Variants in VPS13C observed in about 807,000 individuals in gnomAD.
The protein encoded by VPS13C is intermembrane lipid transfer protein VPS13C.
A neutral mutation model predicts 456.8 loss-of-function variants in VPS13C; 358 were observed. The ratio of observed to expected loss-of-function variants is 0.78; its 90% CI spans 0.72 to 0.86. The LOEUF is 0.86. Ranked by LOEUF, VPS13C falls within the 40% of genes least tolerant of loss-of-function variation. The probability of loss-of-function intolerance (pLI) is 0.00; values close to 1 mark genes in which losing one functional copy is unlikely to be tolerated. For synonymous variants in VPS13C, 1,578 were observed against 1,486.7 expected, an observed-to-expected ratio of 1.06 and a Z score of -1.41; for missense variants, 4,818 against 4,385.4, an observed-to-expected ratio of 1.10 and a Z score of -2.79.
At chr15:62,014,126 T>C (rs1320356245) in intron 9 of VPS13C, 134 bp from the exon 10 acceptor site, 1 of 502,798 alleles carries the variant, frequency 2.0e-6, no homozygotes, top group Non-Finnish European at 3.5e-6. Context: ...TAGCTATCTA[T>C]TTCTTTACAT....
At chr15:61,964,955 A>G (rs1240586914) in intron 30 of VPS13C, 94 bp from the exon 31 acceptor site, 1 of 1,176,106 alleles carries the variant, frequency 8.5e-7, no homozygotes, top group African/African-American at 1.5e-5. Context: ...GTGGGCTTAC[A>G]TCATTGCTTT....
chr15:62,034,900 A>G (rs754254365), intron 4 of VPS13C, 57 bp downstream of exon 4: 48 of 1,175,046 alleles, frequency 4.1e-5, no homozygotes, highest in Non-Finnish European at 5.5e-5. Context: ...CTTAACTCAG[A>G]TAACAATTTA....
At chr15:61,949,406 T>C in intron 42 of VPS13C, 37 bp downstream of exon 42, 1 of 1,589,990 alleles carries the variant, frequency 6.3e-7, no homozygotes, top group Non-Finnish European at 8.5e-7. Flanking sequence ...TTATTAAAGT[T>C]CAAAGTATTA....
At chr15:61,934,670 C>T (rs1360492419) in intron 48 of VPS13C, among the ~76,000 whole-genome samples, 1 of 152,144 alleles carries the variant, frequency 6.6e-6, no homozygotes, top group African/African-American at 2.4e-5. Flanking sequence ...TCAGAACAGT[C>T]CAATACTTTG....
intron 27 of VPS13C, 126 bp from the exon 28 acceptor site, chr15:61,969,578 C>T: frequency 2.1e-6 from 1 of 468,392 alleles, no homozygotes. Flanking sequence ...CCTTCTGCCA[C>T]CATAGCAATT....
chr15:61,878,550 T>C (rs1895623486), intron 74 of VPS13C, 57 bp downstream of exon 74: 1 of 1,579,004 alleles, frequency 6.3e-7, no homozygotes, highest in Admixed American at 1.9e-5. Flanking sequence ...AGAATTAATG[T>C]CTAGAAACAT....
At chr15:62,047,070 A>AT (rs1220796284) in intron 1 of VPS13C, among the ~76,000 whole-genome samples, 1 of 151,926 alleles carries the variant, frequency 6.6e-6, no homozygotes, top group Admixed American at 6.6e-5. Flanking sequence ...CGATTTAAAT[A>AT]TTTTTTATAT....
intron 17 of VPS13C, 79 bp from the exon 18 acceptor site, chr15:61,991,173 G>T: frequency 1.8e-6 from 2 of 1,101,662 alleles, no homozygotes; most frequent in Non-Finnish European, 2.6e-6. Flanking sequence ...AAACTAACAA[G>T]TATCCTAAAA....
chr15:62,039,405 T>A (rs572754374), intron 3 of VPS13C, among the ~76,000 whole-genome samples: 1 of 152,114 alleles, frequency 6.6e-6, no homozygotes, highest in Admixed American at 6.5e-5. Flanking sequence ...GACATAAATA[T>A]GCATAATAGC....
At position 61,927,233 on chromosome 15, in the gene VPS13C, G is replaced by T. The variant is rs150220235; in HGVS notation, c.6374C>A (p.Ala2125Asp). The T allele has an allele frequency of 6.2e-7, 1 of 1,614,078 alleles. No individual in the cohort carries two copies. The highest frequency in any genetic ancestry group is 8.5e-7 in the Non-Finnish European group (1 of 1,180,042). The change falls in exon 52 of 85, where the codon GCT (alanine) becomes GAT (aspartate). Residue 2125 changes from alanine (A) to aspartate (D), a missense_variant. Physicochemically the swap from Ala to Asp is moderately radical, Grantham distance 126. Transcript: ENST00000644861. ...VFVASLTKAD[A>D]PALTASFQCN... is the part of the protein sequence containing the mutation. ...CTGAAACGAGGCTGTCAGAGCAGGA[G>T]CATCAGCCTTTGTCAGGCTGGCAAC...
intron 1 of VPS13C, among the ~76,000 whole-genome samples, chr15:62,045,074 T>G (rs9920758): frequency 0.44 from 67,381 of 151,914 alleles, 16,169 homozygotes; most frequent in Admixed American, 0.57. Flanking sequence ...CAGGTATTTT[T>G]GAGTGAATTT....
intron 14 of VPS13C, among the ~76,000 whole-genome samples, chr15:62,007,935 T>A (rs1038681896): frequency 7.9e-5 from 12 of 152,000 alleles, no homozygotes; most frequent in Non-Finnish European, 1.3e-4. Flanking sequence ...TGAAACCCCA[T>A]CTGTACTAAA....
At chr15:62,019,104 GT>G (rs1303042293) in intron 9 of VPS13C, among the ~76,000 whole-genome samples, 1 of 151,954 alleles carries the variant, frequency 6.6e-6, no homozygotes, top group Non-Finnish European at 1.5e-5. Context: ...TCTGATGGTA[GT>G]TTTGTATTTC....
At chr15:61,994,293 A>T (rs1344964116) in intron 16 of VPS13C, among the ~76,000 whole-genome samples, 3 of 152,220 alleles carry the variant, frequency 2.0e-5, no homozygotes, top group Non-Finnish European at 4.4e-5. Context: ...TGGTACTAAG[A>T]ATACACATTT....
chr15:61,869,104 CTTTTCTT>C (rs1187795759), intron 80 of VPS13C, among the ~76,000 whole-genome samples: 3 of 126,212 alleles, frequency 2.4e-5, no homozygotes, highest in African/African-American at 7.9e-5. Context: ...TGTCTCTTTT[CTTTTCTT>C]TTTTCTTTTT....
intron 49 of VPS13C, among the ~76,000 whole-genome samples, chr15:61,931,573 T>C (rs980374603): frequency 6.6e-6 from 1 of 151,046 alleles, no homozygotes; most frequent in South Asian, 2.1e-4. Flanking sequence ...AACTAATAAA[T>C]TTTTTCTTTT....
intron 33 of VPS13C, 44 bp from the exon 34 acceptor site, chr15:61,962,582 G>A: frequency 2.0e-6 from 3 of 1,529,372 alleles, no homozygotes; most frequent in Non-Finnish European, 2.6e-6. Context: ...GGAAGGTAAT[G>A]ACAAAATAAA....
intron 3 of VPS13C, among the ~76,000 whole-genome samples, chr15:62,036,723 A>G (rs1374082252): frequency 6.6e-6 from 1 of 151,988 alleles, no homozygotes. Flanking sequence ...TGTTCCCTAA[A>G]CCTTTTCTTC....
intron 27 of VPS13C, among the ~76,000 whole-genome samples, chr15:61,970,840 C>T (rs958074564): frequency 4.0e-5 from 4 of 100,192 alleles, no homozygotes; most frequent in Admixed American, 1.1e-4. Context: ...GACAATTGAA[C>T]AAATACCTGA....
Sources: gnomAD v4.1 joint callset for allele counts (sites outside exome capture counted in the v4.1 genomes callset) on GRCh38, gnomAD v4.1.1 for gene constraint, MANE v1.5 for transcripts, NCBI Gene and HGNC (gene_info 2026-07-23, HGNC 2026-07-21) for gene names.